PPIP5K2: variants seen among roughly 807,000 people sequenced by gnomAD.
PPIP5K2 encodes the protein inositol hexakisphosphate and diphosphoinositol-pentakisphosphate kinase 2.
In PPIP5K2, 105 loss-of-function variants were observed where a neutral mutation model predicts 154.6. The ratio of observed to expected loss-of-function variants is 0.68; its 90% CI spans 0.58 to 0.80. The LOEUF (loss-of-function observed/expected upper bound fraction) is 0.80. Ranked by LOEUF, PPIP5K2 falls within the 30% of genes least tolerant of loss-of-function variation. The pLI is 0.00. For missense variants in PPIP5K2, 992 were observed against 1,504.6 expected, an observed-to-expected ratio of 0.66 and a Z score of 5.64; for synonymous variants, 480 against 490.3, an observed-to-expected ratio of 0.98 and a Z score of 0.28.
chr5:103,126,838 C>T (rs544536516), intron 1 of PPIP5K2, among the ~76,000 whole-genome samples: 136 of 150,430 alleles, frequency 9.0e-4, no homozygotes, highest in Middle Eastern at 3.5e-3. Context: ...GTCTGCCTTT[C>T]CCGGAACACT....
At chr5:103,131,118 C>G (rs578123662) in intron 2 of PPIP5K2, among the ~76,000 whole-genome samples, 4 of 152,236 alleles carry the variant, frequency 2.6e-5, no homozygotes, top group Non-Finnish European at 4.4e-5. Context: ...TCTCTTTGCT[C>G]TTTTTCCCAT....
chr5:103,159,929 C>A (rs1420289378), intron 17 of PPIP5K2, among the ~76,000 whole-genome samples: 1 of 152,162 alleles, frequency 6.6e-6, no homozygotes, highest in African/African-American at 2.4e-5. Flanking sequence ...TTCCCAACCC[C>A]TTCCTTTTCC....
intron 5 of PPIP5K2, among the ~76,000 whole-genome samples, chr5:103,140,697 C>T (rs981136274): frequency 2.6e-5 from 4 of 151,440 alleles, no homozygotes; most frequent in African/African-American, 4.9e-5. Flanking sequence ...ATTAGCCGGG[C>T]GCAGTGGCGG....
intron 23 of PPIP5K2, among the ~76,000 whole-genome samples, chr5:103,178,641 A>T (rs935904202): frequency 6.6e-6 from 1 of 151,660 alleles, no homozygotes; most frequent in East Asian, 1.9e-4. Context: ...ATTTTGATTG[A>T]GATTACCACT....
chr5:103,183,162 C>A, intron 24 of PPIP5K2, 72 bp from the exon 25 acceptor site: 1 of 1,119,274 alleles, frequency 8.9e-7, no homozygotes, highest in Non-Finnish European at 1.1e-6. Context: ...TTGTATCTAA[C>A]TTTGCATGCT....
At chr5:103,142,600 C>A (rs1321867368) in intron 5 of PPIP5K2, among the ~76,000 whole-genome samples, 1 of 152,142 alleles carries the variant, frequency 6.6e-6, no homozygotes, top group Non-Finnish European at 1.5e-5. Context: ...TGTCACCTCT[C>A]AGTCTCTACT....
At chr5:103,171,580 C>T (rs1360205382) in intron 19 of PPIP5K2, among the ~76,000 whole-genome samples, 1 of 151,330 alleles carries the variant, frequency 6.6e-6, no homozygotes, top group African/African-American at 2.4e-5. Flanking sequence ...GGCAGATGAG[C>T]AAAATGTGTC....
rs184329264 is a variant in PPIP5K2 at position 103,138,181 on chromosome 5, G to A, written c.402-203G>A. 2.5e-3 allele frequency among the ~76,000 whole-genome samples: 383 copies of A among 152,186 alleles called. 1 individual carries two copies. Among genetic ancestry groups the A allele is most frequent in the African/African-American group, 8.9e-3 (370 of 41,546 alleles). On this transcript the variant is annotated intron_variant, in intron 4 of 30. Coordinates refer to ENST00000358359, the MANE Select transcript of PPIP5K2 (RefSeq NM_001276277.3). ...CTAGAAAAGAATTGTGCATAAATTT[G>A]TGTTCTTATTGCTGAATATTTCCTC... is the stretch of plus-strand genomic sequence containing the variant.
chr5:103,189,015 CCTTTTACTTTTT>C, intron 28 of PPIP5K2: 2 of 540,606 alleles, frequency 3.7e-6, no homozygotes, highest in Non-Finnish European at 6.4e-6. Flanking sequence ...TTTGACTCTT[CCTTTTACTTTTT>C]ATTTCCCCTA....
chr5:103,168,632 C>A (rs1797496796), intron 19 of PPIP5K2, among the ~76,000 whole-genome samples: 1 of 151,600 alleles, frequency 6.6e-6, no homozygotes, highest in African/African-American at 2.4e-5. Context: ...TATGATTGTC[C>A]CCCACAAGAA....
At position 103,184,469 on chromosome 5, in the gene PPIP5K2, G is replaced by A. The variant is rs1225257189; in HGVS notation, c.3097-203G>A. 2.2e-5 allele frequency: 10 copies of A among 445,516 alleles called. 1 individual carries two copies. The highest frequency in any genetic ancestry group is 7.3e-5 in the East Asian group (2 of 27,358). The allele number at this position is 445,516 out of a possible 1,614,324, so 27.6% of individuals were successfully genotyped here. ...ATGTTTCATTCTGAATGCCTGCTTC[G>A]CACCACTTCATTGCAAGGACCTCAT... On this transcript the variant is annotated intron_variant, in intron 25 of 30. Transcript: ENST00000358359.
intron 2 of PPIP5K2, 69 bp downstream of exon 2, chr5:103,129,772 A>G (rs1790315395): frequency 2.8e-6 from 4 of 1,413,060 alleles, no homozygotes; most frequent in Non-Finnish European, 3.7e-6. Context: ...AATCACTGTT[A>G]GTCTTTTTTT....
At chr5:103,179,395 G>A (rs1387218839) in intron 23 of PPIP5K2, among the ~76,000 whole-genome samples, 1 of 151,920 alleles carries the variant, frequency 6.6e-6, no homozygotes, top group Non-Finnish European at 1.5e-5. Context: ...CTTATAGTTG[G>A]ATATTTGATA....
At chr5:103,178,361 A>G (rs894229308) in intron 23 of PPIP5K2, among the ~76,000 whole-genome samples, 1 of 151,878 alleles carries the variant, frequency 6.6e-6, no homozygotes, top group African/African-American at 2.4e-5. Flanking sequence ...TCTGCCACCT[A>G]TAGTACTACA....
At position 103,154,918 on chromosome 5, in the gene PPIP5K2, G is replaced by T; in HGVS notation, c.1378G>T (p.Glu460Ter). Residue 460 changes from glutamate to a stop codon, truncating the protein, a stop_gained, in exon 13 of 31, where the codon GAA (glutamate) becomes TAA (stop). Transcript: ENST00000358359. LOFTEE classifies it high-confidence loss of function. ...SEIEENKPKL[E>*]QLKTVLEMYG... ...AATTGAAGAAAACAAGCCAAAACTT[G>T]AACAACTTAAGACTGTATTAGAGAT... 1.2e-6 allele frequency: 2 copies of T among 1,603,346 alleles called. No homozygotes were observed. Among genetic ancestry groups the T allele is most frequent in the South Asian group, 2.2e-5 (2 of 88,934 alleles).
Position 103,146,748 on chromosome 5 carries a change from T to C in PPIP5K2, c.642+67T>C, listed in dbSNP as rs1793821907. ...CATTGTCGTGTATTATTAAAAGCAA[T>C]CAAGCATTTAATTACCGTTAAATAT... On this transcript the variant is annotated intron_variant, in intron 6 of 30. Coordinates refer to ENST00000358359, the MANE Select transcript of PPIP5K2 (RefSeq NM_001276277.3). 3 of 1,337,570 alleles carry C rather than the reference T, an allele frequency of 2.2e-6. No individual in the cohort carries two copies. The South Asian group carries it at 4.5e-5, about 20-fold the overall frequency. The allele number at this position is 1,337,570 out of a possible 1,614,324, so 82.9% of individuals were successfully genotyped here.
At chr5:103,167,398 C>A (rs1797296921) in intron 18 of PPIP5K2, 78 bp downstream of exon 18, 4 of 1,224,056 alleles carry the variant, frequency 3.3e-6, no homozygotes, top group Non-Finnish European at 4.4e-6. Context: ...ATGCACCAAT[C>A]TTGTTGTAAG....
Position 103,120,399 on chromosome 5 carries a change from C to A in PPIP5K2, c.-374C>A, listed in dbSNP as rs1554198526. 2.2e-6 allele frequency: 1 copy of A among 456,718 alleles called. No homozygotes were observed. Among genetic ancestry groups the A allele is most frequent in the Non-Finnish European group, 4.4e-6 (1 of 226,918 alleles). 28.3% of individuals were successfully genotyped at this position (456,718 alleles called of 1,614,324 possible). ...CTGAAGTCTCTTGACAAACACCTCA[C>A]CCCTGCCTCCGGGATGAAAGGGGGT... On this transcript the variant is annotated 5_prime_UTR_variant, in exon 1 of 31. Transcript: ENST00000358359.
chr5:103,187,289 A>T, intron 27 of PPIP5K2, 25 bp from the exon 28 acceptor site: 1 of 1,519,060 alleles, frequency 6.6e-7, no homozygotes, highest in Non-Finnish European at 8.8e-7. Context: ...TACGAATTTC[A>T]GGTACCTGTT....
Sources: allele counts gnomAD v4.1 joint callset (sites outside exome capture counted in the v4.1 genomes callset), GRCh38; gene constraint gnomAD v4.1.1; transcripts MANE v1.5; gene names NCBI Gene and HGNC (gene_info 2026-07-23, HGNC 2026-07-21).